The following MKLN1 variants were observed in gnomAD, a reference collection of about 807,000 sequenced individuals.
MKLN1 encodes the protein muskelin.
MKLN1 carries 18 observed loss-of-function variants against 99.0 expected under a neutral mutation model. The ratio of observed to expected loss-of-function variants is 0.18; its 90% CI spans 0.13 to 0.27. The LOEUF is 0.27. Among genes scored for constraint, MKLN1 ranks in the 10% least tolerant of loss-of-function variants. The pLI, the probability that MKLN1 is intolerant of heterozygous loss-of-function variation, is 1.00. For missense variants in MKLN1, 621 were observed against 875.9 expected, an observed-to-expected ratio of 0.71 and a Z score of 3.67; for synonymous variants, 288 against 293.2, an observed-to-expected ratio of 0.98 and a Z score of 0.18.
At chr7:131,418,788 G>A (rs1227037397) in intron 8 of MKLN1, among the ~76,000 whole-genome samples, 1 of 152,004 alleles carries the variant, frequency 6.6e-6, no homozygotes, top group Admixed American at 6.5e-5. Context: ...TAGGTTTGGG[G>A]TTCAAACTGA....
At chr7:131,339,137 A>T (rs575695533) in intron 1 of MKLN1, among the ~76,000 whole-genome samples, 1 of 152,344 alleles carries the variant, frequency 6.6e-6, no homozygotes, top group Non-Finnish European at 1.5e-5. Context: ...ACAGTAAGCT[A>T]TTAGCAGTTA....
intron 2 of MKLN1, among the ~76,000 whole-genome samples, chr7:131,160,514 ATTATTAT>A (rs1467285755): frequency 6.8e-6 from 1 of 146,200 alleles, no homozygotes; most frequent in East Asian, 2.0e-4. Flanking sequence ...TATTATTATT[ATTATTAT>A]TATTATTATT....
intron 3 of MKLN1, among the ~76,000 whole-genome samples, chr7:131,388,543 G>T (rs1202240297): frequency 6.6e-6 from 1 of 152,130 alleles, no homozygotes; most frequent in Non-Finnish European, 1.5e-5. Flanking sequence ...AATTATTTTT[G>T]AATTTCATTC....
chr7:131,174,443 G>A (rs534832181), intron 2 of MKLN1, among the ~76,000 whole-genome samples: 3 of 152,286 alleles, frequency 2.0e-5, no homozygotes, highest in East Asian at 1.9e-4. Flanking sequence ...AAAAGCCTTC[G>A]AAAGTTCCTT....
intron 3 of MKLN1, among the ~76,000 whole-genome samples, chr7:131,225,297 A>G (rs572949986): frequency 6.6e-6 from 1 of 152,274 alleles, no homozygotes; most frequent in African/African-American, 2.4e-5. Flanking sequence ...ACATGGTGGA[A>G]GGAGGGAAGA....
intron 4 of MKLN1, among the ~76,000 whole-genome samples, chr7:131,393,583 T>C (rs1191167440): frequency 6.6e-6 from 1 of 152,182 alleles, no homozygotes; most frequent in Non-Finnish European, 1.5e-5. Context: ...GGTAACAGAT[T>C]AAATTTCACT....
chr7:131,240,403 G>A (rs1249032590), intron 3 of MKLN1, among the ~76,000 whole-genome samples: 3 of 151,868 alleles, frequency 2.0e-5, no homozygotes, highest in Admixed American at 2.0e-4. Context: ...ATAAATATTG[G>A]CAAAGGATAT....
At chr7:131,224,756 G>C (rs1464534212) in intron 3 of MKLN1, among the ~76,000 whole-genome samples, 1 of 151,706 alleles carries the variant, frequency 6.6e-6, no homozygotes, top group Non-Finnish European at 1.5e-5. Context: ...AACATCTCAG[G>C]TTAGGATAAC....
At chr7:131,353,953 T>C (rs1026739843) in intron 1 of MKLN1, among the ~76,000 whole-genome samples, 1 of 151,486 alleles carries the variant, frequency 6.6e-6, no homozygotes, top group African/African-American at 2.4e-5. Context: ...GTGGGTCTTT[T>C]GGGGGCCTTT....
intron 16 of MKLN1, among the ~76,000 whole-genome samples, chr7:131,474,553 A>G (rs770667194): frequency 2.6e-4 from 40 of 152,216 alleles, no homozygotes; most frequent in Non-Finnish European, 4.3e-4. Flanking sequence ...TGTTAAGATA[A>G]TAGTTTTCTC....
At chr7:131,133,644 G>A (rs930862443) in intron 1 of MKLN1, among the ~76,000 whole-genome samples, 1 of 151,100 alleles carries the variant, frequency 6.6e-6, no homozygotes. Context: ...GAGCCACCGC[G>A]CCCAGCCTCT....
At chr7:131,121,530 C>T (rs1368014698) in intron 1 of MKLN1, among the ~76,000 whole-genome samples, 2 of 149,518 alleles carry the variant, frequency 1.3e-5, no homozygotes, top group Non-Finnish European at 3.0e-5. Flanking sequence ...CCCAGCTACT[C>T]GGGAGGCTGA....
chr7:131,214,355 G>T (rs1003462790), intron 3 of MKLN1, among the ~76,000 whole-genome samples: 2 of 152,184 alleles, frequency 1.3e-5, no homozygotes. Context: ...GCTAGAGTGG[G>T]GTTGGGATGG....
chr7:131,342,641 G>A (rs1370269853), intron 1 of MKLN1, among the ~76,000 whole-genome samples: 2 of 152,178 alleles, frequency 1.3e-5, no homozygotes, highest in East Asian at 3.8e-4. Flanking sequence ...TGACTGGGAA[G>A]TGAGAGACAT....
chr7:131,242,820 C>G (rs956932170), intron 3 of MKLN1: 1 of 663,244 alleles, frequency 1.5e-6, no homozygotes, highest in African/African-American at 1.8e-5. Context: ...AGTTTATAAC[C>G]ACAATCAGCT....
At chr7:131,407,294 A>G (rs1310767650) in intron 6 of MKLN1, among the ~76,000 whole-genome samples, 2 of 151,810 alleles carry the variant, frequency 1.3e-5, no homozygotes, top group Non-Finnish European at 2.9e-5. Context: ...TCTAATCTGT[A>G]CTCATGTTTC....
intron 3 of MKLN1, among the ~76,000 whole-genome samples, chr7:131,203,233 T>A (rs923503780): frequency 6.6e-6 from 1 of 152,252 alleles, no homozygotes. Flanking sequence ...TCAGTGGCAT[T>A]GCCTTCATTT....
chr7:131,271,609 T>G (rs1023394627), intron 3 of MKLN1, among the ~76,000 whole-genome samples: 5 of 117,302 alleles, frequency 4.3e-5, no homozygotes, highest in Non-Finnish European at 5.1e-5. Flanking sequence ...AGAGTGAGAC[T>G]CCGTCTCCTA....
At chr7:131,367,887 A>G (rs1800227942) in intron 1 of MKLN1, among the ~76,000 whole-genome samples, 1 of 152,212 alleles carries the variant, frequency 6.6e-6, no homozygotes, top group Non-Finnish European at 1.5e-5. Flanking sequence ...TGGATGGGGT[A>G]TTCCGCTTTT....
Sources: gnomAD v4.1 joint callset for allele counts (sites outside exome capture counted in the v4.1 genomes callset) on GRCh38, gnomAD v4.1.1 for gene constraint, MANE v1.5 for transcripts, NCBI Gene and HGNC (gene_info 2026-07-23, HGNC 2026-07-21) for gene names.